The following DOCK10 variants were observed in gnomAD, a reference collection of about 807,000 sequenced individuals.
The protein encoded by DOCK10 is dedicator of cytokinesis 10, also known as dedicator of cytokinesis protein 10.
In DOCK10, 145 loss-of-function variants were observed where a neutral mutation model predicts 280.1. The ratio of observed to expected loss-of-function variants is 0.52; its 90% CI spans 0.45 to 0.59. The LOEUF is 0.59. Among genes scored for constraint, DOCK10 ranks in the 20% least tolerant of loss-of-function variants. The probability of loss-of-function intolerance (pLI) is 0.00; values close to 1 mark genes in which losing one functional copy is unlikely to be tolerated. For synonymous variants in DOCK10, 915 were observed against 942.2 expected, an observed-to-expected ratio of 0.97 and a Z score of 0.53; for missense variants, 2,368 against 2,651.7, an observed-to-expected ratio of 0.89 and a Z score of 2.35.
At chr2:225,039,969 G>A (rs1277637792) in intron 1 of DOCK10, among the ~76,000 whole-genome samples, 1 of 152,042 alleles carries the variant, frequency 6.6e-6, no homozygotes, top group African/African-American at 2.4e-5. Flanking sequence ...ACACACCCGC[G>A]GTTCTATGAG....
intron 1 of DOCK10, among the ~76,000 whole-genome samples, chr2:224,967,957 T>C (rs1704873845): frequency 6.6e-6 from 1 of 152,222 alleles, no homozygotes; most frequent in African/African-American, 2.4e-5. Context: ...TCTGTCTTGA[T>C]TTTTTATACT....
chr2:224,997,168 A>G (rs2126278408), intron 1 of DOCK10, among the ~76,000 whole-genome samples: 1 of 151,884 alleles, frequency 6.6e-6, no homozygotes, highest in South Asian at 2.1e-4. Context: ...CAAATTCAAC[A>G]CTGCCTTTGG....
At chr2:224,872,815 G>A (rs186769691) in intron 11 of DOCK10, among the ~76,000 whole-genome samples, 1 of 152,278 alleles carries the variant, frequency 6.6e-6, no homozygotes, top group Non-Finnish European at 1.5e-5. Flanking sequence ...ATTGAGGGAT[G>A]ATGGATTAGA....
chr2:224,995,932 A>G (rs1240158218), intron 1 of DOCK10, among the ~76,000 whole-genome samples: 2 of 152,234 alleles, frequency 1.3e-5, no homozygotes, highest in African/African-American at 4.8e-5. Context: ...GTAAACTTCT[A>G]CATGGAATTT....
intron 4 of DOCK10, among the ~76,000 whole-genome samples, chr2:224,890,822 T>C (rs1281506928): frequency 6.6e-6 from 1 of 152,196 alleles, no homozygotes; most frequent in Non-Finnish European, 1.5e-5. Flanking sequence ...CATTGTTCTG[T>C]TATCTCAACA....
In DOCK10 at chr2:224,970,375, C is replaced by A. The variant is rs150858950; in HGVS notation, c.124-38707G>T. Among the ~76,000 whole-genome samples the A allele has an allele frequency of 2.8e-4, 43 of 152,252 alleles. No individual in the cohort carries two copies. The East Asian group carries it at 8.3e-3, about 29-fold the overall frequency. On this transcript the variant is annotated intron_variant, in intron 1 of 55. Transcript: ENST00000258390. The surrounding 1 kb of genome is among the most constrained non-coding windows in gnomAD (Gnocchi z 4.6). ...ATCCCCACCATGCTGCAAATAAGGA[C>A]ACTGAGGCTCAGGGAACTCAGGGAA...
chr2:224,964,404 A>G (rs1017375613), intron 1 of DOCK10, among the ~76,000 whole-genome samples: 1 of 152,140 alleles, frequency 6.6e-6, no homozygotes, highest in African/African-American at 2.4e-5. Flanking sequence ...GAGGCACAGG[A>G]ACCATGGACC....
chr2:224,830,013 G>A (rs16866198), intron 27 of DOCK10, among the ~76,000 whole-genome samples: 2,004 of 152,276 alleles, frequency 0.013, 50 homozygotes, highest in African/African-American at 0.046. Flanking sequence ...GAATCTAGTG[G>A]GAAGAATATA....
intron 1 of DOCK10, among the ~76,000 whole-genome samples, chr2:225,035,305 T>C (rs949705805): frequency 6.6e-6 from 1 of 151,768 alleles, no homozygotes; most frequent in Non-Finnish European, 1.5e-5. Flanking sequence ...ATGAACCACA[T>C]TATAGCATAT....
At chr2:224,972,336 T>C (rs1705139424) in intron 1 of DOCK10, among the ~76,000 whole-genome samples, 1 of 152,232 alleles carries the variant, frequency 6.6e-6, no homozygotes, top group African/African-American at 2.4e-5. Context: ...CAGTGACCAA[T>C]ATTAAGGATG....
chr2:224,904,837 T>C (rs958666442), intron 3 of DOCK10, among the ~76,000 whole-genome samples: 4 of 152,182 alleles, frequency 2.6e-5, no homozygotes, highest in African/African-American at 9.7e-5. Flanking sequence ...ACAAAGCATA[T>C]AGAATTATTT....
chr2:224,860,029 A>G (rs1475978592), intron 14 of DOCK10, among the ~76,000 whole-genome samples: 1 of 152,226 alleles, frequency 6.6e-6, no homozygotes, highest in Non-Finnish European at 1.5e-5. Flanking sequence ...GAAGTAAATC[A>G]CATATGTATA....
intron 1 of DOCK10, among the ~76,000 whole-genome samples, chr2:225,005,006 A>C (rs1706529976): frequency 6.6e-6 from 1 of 152,252 alleles, no homozygotes; most frequent in Admixed American, 6.5e-5. Context: ...TAAAGAGCCT[A>C]AAATCAATCA....
At position 224,849,557 on chromosome 2, in the gene DOCK10, C is replaced by T. The variant is rs199685603; in HGVS notation, c.2185G>A (p.Ala729Thr). The T allele has an allele frequency of 8.4e-5, 136 of 1,611,888 alleles. No individual in the cohort carries two copies. In the African/African-American group the frequency reaches 1.5e-3, roughly 17 times the overall value. ...GAGTGGTGCAGAACTGCTGTGTAGGCGGCTGAGGTGAAGAGGGGCCCTCCA... is the reference window on the plus strand; with the variant it reads ...GAGTGGTGCAGAACTGCTGTGTAGGTGGCTGAGGTGAAGAGGGGCCCTCCA... ...KPGGPLFTSA[A>T]YTAVLHHSQN... The change falls in exon 19 of 56, where the codon GCC becomes ACC. Residue 729 changes from alanine (A) to threonine (T), a missense_variant. Transcript: ENST00000258390.
rs748411655 is a variant in DOCK10 at position 224,823,504 on chromosome 2, G to A, written c.3180C>T (p.Leu1060=). The A allele has an allele frequency of 1.9e-6, 3 of 1,594,274 alleles. No homozygotes were observed. The highest frequency in any genetic ancestry group is 2.6e-6 in the Non-Finnish European group (3 of 1,173,868). ...CTGCGATCTCATATAACTGTACCTTGAGAAATCTGGCAACGCTGTGGTTTG... is the reference window on the plus strand; with the variant it reads ...CTGCGATCTCATATAACTGTACCTTAAGAAATCTGGCAACGCTGTGGTTTG... ...RRANHSVARF[L]KRCFTFMDRG... The change falls in exon 28 of 56, where the codon CTC becomes CTT. Residue 1060 remains leucine, a synonymous_variant. Transcript: ENST00000258390.
chr2:224,769,548 T>C (rs1209912930), intron 55 of DOCK10, among the ~76,000 whole-genome samples: 1 of 152,194 alleles, frequency 6.6e-6, no homozygotes, highest in Non-Finnish European at 1.5e-5. Context: ...GTATGGATTC[T>C]AGGAAGTAGG....
intron 1 of DOCK10, among the ~76,000 whole-genome samples, chr2:225,041,126 C>T (rs1386896280): frequency 2.0e-5 from 3 of 152,202 alleles, no homozygotes; most frequent in Non-Finnish European, 2.9e-5. Flanking sequence ...AACTTTCCGA[C>T]CTCTGGCTTT....
chr2:224,798,024 A>G (rs1450994705), intron 41 of DOCK10, 55 bp from the exon 42 acceptor site: 1 of 1,544,074 alleles, frequency 6.5e-7, no homozygotes, highest in African/African-American at 1.4e-5. Flanking sequence ...TTTTCATTCT[A>G]TCAAAAAATA....
At chr2:224,787,446 C>A (rs1304592857) in intron 48 of DOCK10, 49 bp from the exon 49 acceptor site, 10 of 1,601,444 alleles carry the variant, frequency 6.2e-6, no homozygotes, top group Non-Finnish European at 7.7e-6. Flanking sequence ...AGGGTTGTGG[C>A]TCATGCCTGA....
Sources: gnomAD v4.1 joint callset for allele counts (sites outside exome capture counted in the v4.1 genomes callset) on GRCh38, gnomAD v4.1.1 for gene constraint, Gnocchi (gnomAD v3.1) non-coding constraint, MANE v1.5 for transcripts, NCBI Gene and HGNC (gene_info 2026-07-23, HGNC 2026-07-21) for gene names.